Variants in CENPK observed in about 807,000 individuals in gnomAD.
CENPK encodes the protein SoxLZ/Sox6-binding protein Solt.
CENPK carries 46 observed loss-of-function variants against 40.9 expected under a neutral mutation model. That is an observed-to-expected ratio of 1.13 (90% CI 0.89 to 1.44). CENPK has a LOEUF of 1.44. CENPK is among the 40% of genes most tolerant of loss of function. The pLI is 0.00. For synonymous variants in CENPK, 107 were observed against 104.4 expected (o/e 1.02, Z -0.15); for missense variants, 288 against 303.5 (o/e 0.95, Z 0.38).
chr5:65,544,073 T>TA (rs1748467692), intron 5 of CENPK, among the ~76,000 whole-genome samples: 1 of 152,236 alleles, frequency 6.6e-6, no homozygotes, highest in Non-Finnish European at 1.5e-5. Context: ...TCTGCTATTC[T>TA]AGAAAGCCTT....
chr5:65,543,873 T>C (rs1000008039), intron 5 of CENPK, among the ~76,000 whole-genome samples: 1 of 152,322 alleles, frequency 6.6e-6, no homozygotes, highest in Middle Eastern at 3.4e-3. Context: ...CCATGAGCTA[T>C]GAAGAAAAAA....
the CENPK span, among the ~76,000 whole-genome samples, chr5:65,503,599 T>A: frequency 4.6e-5 from 7 of 152,148 alleles, no homozygotes; most frequent in Admixed American, 1.3e-4. Context: ...ACATTTAAAA[T>A]TTTTAAAAAT....
rs755630585 is a variant in CENPK at position 65,545,447 on chromosome 5, G to C, written c.242-2599C>G. 2.7e-4 allele frequency among the ~76,000 whole-genome samples: 41 copies of C among 151,888 alleles called. 1 individual carries two copies. Among genetic ancestry groups the C allele is most frequent in the Non-Finnish European group, 1.0e-4 (7 of 68,006 alleles). Reference sequence around the variant, plus strand: ...TTTCTCATCAGTACCAAGGGAGGCAGAGGTAAGTGGCACATTTTTAAGTGC... The same window carrying C: ...TTTCTCATCAGTACCAAGGGAGGCACAGGTAAGTGGCACATTTTTAAGTGC... On this transcript the variant is annotated intron_variant, in intron 5 of 10. Transcript: ENST00000396679.
At position 65,528,597 on chromosome 5, in the gene CENPK, T is replaced by C; in HGVS notation, c.471-19A>G. On this transcript the variant is annotated intron_variant, in intron 8 of 10. Coordinates refer to ENST00000396679, the MANE Select transcript of CENPK (RefSeq NM_022145.5). ...AAAGATTCTAATAGATTAAAAAAAT[T>C]AAGAGAAACATTTAACTGATAAAAC... 6.7e-7 allele frequency: 1 copy of C among 1,499,478 alleles called. No individual in the cohort carries two copies. The highest frequency in any genetic ancestry group is 8.9e-7 in the Non-Finnish European group (1 of 1,126,214). The allele number at this position is 1,499,478 out of a possible 1,614,324, so 92.9% of individuals were successfully genotyped here.
At chr5:65,522,230 A>G (rs1173912777) in intron 9 of CENPK, among the ~76,000 whole-genome samples, 1 of 152,146 alleles carries the variant, frequency 6.6e-6, no homozygotes, top group African/African-American at 2.4e-5. Context: ...CTCTTATGAG[A>G]GACTTAATCA....
At chr5:65,529,849 G>A (rs1309880529) in intron 6 of CENPK, 1 of 151,316 alleles carries the variant, frequency 6.6e-6, no homozygotes, top group African/African-American at 2.4e-5. Flanking sequence ...TTGTCGCCCA[G>A]GCTGGAGTGC....
chr5:65,514,979 T>G (rs72762423), downstream of CENPK, among the ~76,000 whole-genome samples: 424 of 152,294 alleles, frequency 2.8e-3, no homozygotes, highest in Non-Finnish European at 4.8e-3. Context: ...TTTATAAATT[T>G]TAACTTTTCA....
chr5:65,551,991 A>T, intron 4 of CENPK, among the ~76,000 whole-genome samples: 1 of 123,762 alleles, frequency 8.1e-6, no homozygotes. Flanking sequence ...AGACAGTCTT[A>T]CTCTTTCGCC....
intron 3 of CENPK, among the ~76,000 whole-genome samples, chr5:65,553,081 A>G (rs1750376371): frequency 6.6e-6 from 1 of 152,124 alleles, no homozygotes; most frequent in Admixed American, 6.5e-5. Flanking sequence ...AAACTTCTAT[A>G]CTGAAAAAAT....
At chr5:65,504,243 G>C in the CENPK span, among the ~76,000 whole-genome samples, 1 of 151,666 alleles carries the variant, frequency 6.6e-6, no homozygotes, top group Admixed American at 6.6e-5. Context: ...GATTACCTGA[G>C]GTGAGGAGTT....
At chr5:65,499,408 C>G in the CENPK span, among the ~76,000 whole-genome samples, 2 of 151,568 alleles carry the variant, frequency 1.3e-5, no homozygotes, top group Admixed American at 1.3e-4. Context: ...TGTTTTTCCC[C>G]ATAGGTAAGG....
At chr5:65,536,767 A>T (rs1580985477) in intron 6 of CENPK, among the ~76,000 whole-genome samples, 1 of 152,198 alleles carries the variant, frequency 6.6e-6, no homozygotes, top group Non-Finnish European at 1.5e-5. Context: ...AAATTTCATA[A>T]TTCGACTTTA....
At chr5:65,539,144 A>C (rs1747492211) in intron 6 of CENPK, among the ~76,000 whole-genome samples, 1 of 152,228 alleles carries the variant, frequency 6.6e-6, no homozygotes, top group African/African-American at 2.4e-5. Flanking sequence ...AGTTTTGAGA[A>C]AGTGTCTATG....
At chr5:65,511,195 G>A in the CENPK span, among the ~76,000 whole-genome samples, 1 of 152,206 alleles carries the variant, frequency 6.6e-6, no homozygotes, top group Non-Finnish European at 1.5e-5. Flanking sequence ...AAAGTGTGAA[G>A]CTAGCAGAGG....
chr5:65,508,872 G>A, the CENPK span, among the ~76,000 whole-genome samples: 29,949 of 150,760 alleles, frequency 0.2, 3,490 homozygotes, highest in South Asian at 0.32. Flanking sequence ...TTTTAGATAC[G>A]GCACCAAAAA....
chr5:65,526,543 G>A (rs546657261), intron 9 of CENPK, among the ~76,000 whole-genome samples: 1 of 152,114 alleles, frequency 6.6e-6, no homozygotes, highest in South Asian at 2.1e-4. Flanking sequence ...CTATATAAAA[G>A]ATATGCAAGA....
chr5:65,503,173 G>T, the CENPK span, among the ~76,000 whole-genome samples: 1 of 138,950 alleles, frequency 7.2e-6, no homozygotes, highest in African/African-American at 2.7e-5. Context: ...GCAGTGTCTC[G>T]ATCTCAGCTC....
chr5:65,531,205 A>G (rs942203060), intron 6 of CENPK, among the ~76,000 whole-genome samples: 25 of 152,268 alleles, frequency 1.6e-4, no homozygotes, highest in African/African-American at 5.8e-4. Context: ...ATAGCTTTCA[A>G]TGCAATCATA....
intron 6 of CENPK, chr5:65,541,332 C>T (rs1747938537): frequency 2.2e-6 from 1 of 454,166 alleles, no homozygotes; most frequent in South Asian, 1.6e-5. Flanking sequence ...ACTGAGCGCT[C>T]AACCTGTGGG....
Sources: allele counts gnomAD v4.1 joint callset (sites outside exome capture counted in the v4.1 genomes callset), GRCh38; gene constraint gnomAD v4.1.1; transcripts MANE v1.5; gene names NCBI Gene and HGNC (gene_info 2026-07-23, HGNC 2026-07-21).